The following FASTKD1 variants were observed in gnomAD, a reference collection of about 807,000 sequenced individuals.
The protein encoded by FASTKD1 is FAST kinase domain-containing protein 1, mitochondrial.
A neutral mutation model predicts 90.9 loss-of-function variants in FASTKD1; 94 were observed. The ratio of observed to expected loss-of-function variants is 1.03; its 90% confidence interval spans 0.88 to 1.23. The LOEUF (loss-of-function observed/expected upper bound fraction) is 1.23. FASTKD1 is among the 50% of genes most tolerant of loss of function. FASTKD1 has a pLI of 0.00. For synonymous variants in FASTKD1, 319 were observed against 345.8 expected (o/e 0.92, Z 0.86); for missense variants, 945 against 993.5 (o/e 0.95, Z 0.66).
intron 3 of FASTKD1, among the ~76,000 whole-genome samples, chr2:169,565,239 C>T (rs956381150): frequency 7.2e-6 from 1 of 139,600 alleles, no homozygotes; most frequent in Non-Finnish European, 1.5e-5. Flanking sequence ...GCGTGAGCCA[C>T]CACACCAGGC....
At chr2:169,566,294 T>C (rs1412420020) in intron 3 of FASTKD1, among the ~76,000 whole-genome samples, 1 of 152,194 alleles carries the variant, frequency 6.6e-6, no homozygotes, top group African/African-American at 2.4e-5. Flanking sequence ...ATTTAAAATA[T>C]ACTGAAGTAT....
chr2:169,533,943 G>A (rs1361541529), intron 12 of FASTKD1, among the ~76,000 whole-genome samples: 6 of 152,036 alleles, frequency 3.9e-5, no homozygotes, highest in Non-Finnish European at 7.4e-5. Context: ...GGCAGAGGCA[G>A]GAGGACTGCT....
At chr2:169,557,515 A>T (rs1361548059) in intron 5 of FASTKD1, among the ~76,000 whole-genome samples, 1 of 152,218 alleles carries the variant, frequency 6.6e-6, no homozygotes. Context: ...AGGCCTCATT[A>T]TAATCCAATC....
intron 9 of FASTKD1, among the ~76,000 whole-genome samples, chr2:169,541,887 C>A (rs1684972865): frequency 6.6e-6 from 1 of 152,132 alleles, no homozygotes; most frequent in African/African-American, 2.4e-5. Context: ...ACACTGAATC[C>A]ACTGTTCCTG....
chr2:169,565,404 A>T (rs1160273458), intron 3 of FASTKD1, among the ~76,000 whole-genome samples: 2 of 151,494 alleles, frequency 1.3e-5, no homozygotes, highest in African/African-American at 4.9e-5. Context: ...CTGGGACTAT[A>T]GGCGCCCGCC....
At chr2:169,537,105 TTAA>T (rs1006498361) in intron 12 of FASTKD1, 119 bp downstream of exon 12, 15 of 661,002 alleles carry the variant, frequency 2.3e-5, no homozygotes, top group Admixed American at 2.9e-5. Flanking sequence ...TTTGAAAATT[TTAA>T]TAATAATAAC....
intron 8 of FASTKD1, 126 bp from the exon 9 acceptor site, chr2:169,544,961 C>T (rs927663325): frequency 3.6e-6 from 2 of 556,844 alleles, no homozygotes; most frequent in African/African-American, 1.9e-5. Context: ...AATGTATCAC[C>T]CTGCTTATTA....
At position 169,552,050 on chromosome 2, in the gene FASTKD1, T is replaced by C. The variant is rs145935265; in HGVS notation, c.1214+3074A>G. ...TATTTACATAAGAATTTATGTAAAT[T>C]ATTAGTTCAAATAGACTACATTCCT... On this transcript the variant is annotated intron_variant, in intron 7 of 14. Coordinates refer to ENST00000453153, the MANE Select transcript of FASTKD1 (RefSeq NM_024622.6). Among the ~76,000 whole-genome samples the C allele has an allele frequency of 4.5e-3, 686 of 152,310 alleles. 6 individuals carry two copies. The highest frequency in any genetic ancestry group is 0.016 in the African/African-American group (650 of 41,568).
At chr2:169,552,578 A>G (rs1486647299) in intron 7 of FASTKD1, among the ~76,000 whole-genome samples, 2 of 152,190 alleles carry the variant, frequency 1.3e-5, no homozygotes, top group Non-Finnish European at 2.9e-5. Context: ...AAAGGAACAC[A>G]ATAATGTCTT....
rs1169419465 is a variant in FASTKD1 at position 169,573,842 on chromosome 2, C to A, written c.-316G>T. The A allele has an allele frequency of 6.6e-6, 1 of 152,270 alleles. No individual in the cohort carries two copies. The highest frequency in any genetic ancestry group is 1.5e-5 in the Non-Finnish European group (1 of 68,096). 9.4% of individuals were successfully genotyped at this position (152,270 alleles called of 1,614,324 possible). A position where few individuals can be genotyped will look rare whatever the true frequency, so the allele number is the denominator to read the frequency against. On this transcript the variant is annotated 5_prime_UTR_variant, in exon 1 of 15. It removes an upstream start codon present in the reference 5' UTR. Coordinates refer to ENST00000453153, the MANE Select transcript of FASTKD1 (RefSeq NM_024622.6). ...TTTCTTCGAGAGACATGACCTTTCC[C>A]ATGAGACCTTGCCCCCAAACCAGGA...
intron 2 of FASTKD1, 77 bp from the exon 3 acceptor site, chr2:169,569,329 G>T: frequency 7.4e-7 from 1 of 1,346,536 alleles, no homozygotes; most frequent in Non-Finnish European, 1.1e-6. Context: ...GAATGATAAT[G>T]CAAAAGTGAA....
At chr2:169,559,397 G>C (rs1683480840) in intron 5 of FASTKD1, among the ~76,000 whole-genome samples, 1 of 152,114 alleles carries the variant, frequency 6.6e-6, no homozygotes, top group Non-Finnish European at 1.5e-5. Flanking sequence ...TCATACTTAT[G>C]TGTTAGGACT....
At chr2:169,546,151 A>G (rs1168060681) in intron 8 of FASTKD1, 67 bp downstream of exon 8, 4 of 1,444,534 alleles carry the variant, frequency 2.8e-6, no homozygotes, top group Non-Finnish European at 2.8e-6. Flanking sequence ...CAAAGTGCCT[A>G]TGATAAAAAT....
At position 169,564,991 on chromosome 2, in the gene FASTKD1, T is replaced by C. The variant is rs565996518; in HGVS notation, c.447-1641A>G. 2.8e-3 allele frequency among the ~76,000 whole-genome samples: 426 copies of C among 149,918 alleles called. 2 individuals are homozygous for C. Among genetic ancestry groups the C allele is most frequent in the Non-Finnish European group, 5.0e-3 (337 of 67,482 alleles). On this transcript the variant is annotated intron_variant, in intron 3 of 14. Transcript: ENST00000453153. ...TTTTTGAGACGCAGTTTCGCTCTTG[T>C]TGCCCCAGGCTGGAGTGCAATGGCG...
chr2:169,544,267 A>G (rs1685084294), intron 9 of FASTKD1, among the ~76,000 whole-genome samples: 1 of 152,158 alleles, frequency 6.6e-6, no homozygotes, highest in Non-Finnish European at 1.5e-5. Flanking sequence ...CATAATTAAA[A>G]TGGATACAAA....
At chr2:169,541,604 T>C (rs1480203679) in intron 9 of FASTKD1, among the ~76,000 whole-genome samples, 1 of 152,140 alleles carries the variant, frequency 6.6e-6, no homozygotes, top group African/African-American at 2.4e-5. Context: ...CCCACAAAAA[T>C]GTAGCAAAGT....
intron 3 of FASTKD1, among the ~76,000 whole-genome samples, chr2:169,567,553 C>T (rs1209258190): frequency 1.3e-5 from 2 of 152,168 alleles, no homozygotes; most frequent in Non-Finnish European, 2.9e-5. Context: ...ATCTGGAGAA[C>T]TGTTCTGTCC....
At chr2:169,545,979 G>A (rs1685173194) in intron 8 of FASTKD1, among the ~76,000 whole-genome samples, 2 of 152,146 alleles carry the variant, frequency 1.3e-5, no homozygotes, top group Non-Finnish European at 2.9e-5. Flanking sequence ...TGTCACACAG[G>A]CTGGAGTGCA....
intron 7 of FASTKD1, 95 bp downstream of exon 7, chr2:169,555,029 C>T (rs1487181351): frequency 6.0e-6 from 7 of 1,176,126 alleles, no homozygotes; most frequent in Admixed American, 2.7e-5. Context: ...ACAATTTTGC[C>T]TCCATAACTT....
Sources: gnomAD v4.1 joint callset for allele counts (sites outside exome capture counted in the v4.1 genomes callset) on GRCh38, gnomAD v4.1.1 for gene constraint, MANE v1.5 for transcripts, NCBI Gene and HGNC (gene_info 2026-07-23, HGNC 2026-07-21) for gene names.